The following PCDHA12 variants were observed in gnomAD, a reference collection of about 807,000 sequenced individuals.
PCDHA12 encodes the protein protocadherin alpha-12.
In PCDHA12, 44 loss-of-function variants were observed where a neutral mutation model predicts 60.0. The ratio of observed to expected loss-of-function variants is 0.73; its 90% CI spans 0.58 to 0.94. PCDHA12 has a LOEUF of 0.94. Ranked by LOEUF, PCDHA12 falls within the 40% of genes least tolerant of loss-of-function variation. The pLI is 0.00. For synonymous variants in PCDHA12, 569 were observed against 553.0 expected (o/e 1.03, Z -0.40); for missense variants, 1,276 against 1,239.7 (o/e 1.03, Z -0.44).
intron 1 of PCDHA12, among the ~76,000 whole-genome samples, chr5:140,909,668 CA>C (rs1554193872): frequency 6.6e-6 from 1 of 152,162 alleles, no homozygotes; most frequent in Non-Finnish European, 1.5e-5. Context: ...CTCACTCTAC[CA>C]GTCAGGGAGC....
intron 3 of PCDHA12, among the ~76,000 whole-genome samples, chr5:141,005,828 T>A (rs752447584): frequency 6.7e-6 from 1 of 149,690 alleles, no homozygotes; most frequent in African/African-American, 2.5e-5. Context: ...TGGCCTGTAG[T>A]CCCAGCCACT....
intron 1 of PCDHA12, among the ~76,000 whole-genome samples, chr5:140,895,943 TG>T (rs1176755658): frequency 6.6e-6 from 1 of 152,148 alleles, no homozygotes; most frequent in Non-Finnish European, 1.5e-5. Flanking sequence ...CCCGAGTAGC[TG>T]GGATTACAGG....
At chr5:140,982,683 T>C in intron 3 of PCDHA12, 120 bp downstream of exon 3, 2 of 1,424,800 alleles carry the variant, frequency 1.4e-6, no homozygotes, top group Non-Finnish European at 1.8e-6. Context: ...TATTCCCTTT[T>C]TTCCATACAT....
intron 1 of PCDHA12, among the ~76,000 whole-genome samples, chr5:140,941,214 C>CCTTTCTTTCTTCCTTTCTTTCTTTCTTT (rs2092876516): frequency 4.1e-5 from 5 of 122,412 alleles, no homozygotes; most frequent in Non-Finnish European, 8.5e-5. Flanking sequence ...TTTCTTTCTT[C>CCTTTCTTTCTTCCTTTCTTTCTTTCTTT]CTTTCTTTCT....
chr5:140,934,684 A>C (rs1026507859), intron 1 of PCDHA12, among the ~76,000 whole-genome samples: 9 of 152,178 alleles, frequency 5.9e-5, no homozygotes, highest in Non-Finnish European at 1.3e-4. Flanking sequence ...TATTCAAAAC[A>C]ATGAATTGAT....
At chr5:140,900,013 T>A (rs1351991303) in intron 1 of PCDHA12, among the ~76,000 whole-genome samples, 1 of 152,062 alleles carries the variant, frequency 6.6e-6, no homozygotes, top group Admixed American at 6.6e-5. Flanking sequence ...TCTCACTTTG[T>A]TACCCAGTTT....
chr5:140,966,922 G>A (rs782206344), intron 1 of PCDHA12: 5 of 1,603,072 alleles, frequency 3.1e-6, no homozygotes, highest in Non-Finnish European at 4.2e-6. Context: ...CAGAGGAGCA[G>A]GCACCCGGCG....
In PCDHA12 at chr5:140,913,731, A is replaced by G. The variant is rs557158674; in HGVS notation, c.2367+35892A>G. ...CAATTACAGCTACAAATTTCCCTCT[A>G]ATAGTACTCCTTTTGTTGTATCTCA... On this transcript the variant is annotated intron_variant, in intron 1 of 3. Transcript: ENST00000398631. Among the ~76,000 whole-genome samples the G allele has an allele frequency of 1.8e-4, 27 of 152,194 alleles. No homozygotes were observed. The South Asian group carries it at 2.5e-3, about 14-fold the overall frequency.
chr5:140,929,302 G>T, intron 1 of PCDHA12: 1 of 1,587,714 alleles, frequency 6.3e-7, no homozygotes, highest in Admixed American at 1.7e-5. Flanking sequence ...TAGGAAAGGG[G>T]ATCACGCTAA....
chr5:140,927,734 G>A, intron 1 of PCDHA12: 1 of 1,614,196 alleles, frequency 6.2e-7, no homozygotes, highest in Non-Finnish European at 8.5e-7. Context: ...GCAGAGCTGC[G>A]ACACCGCTTT....
intron 3 of PCDHA12, among the ~76,000 whole-genome samples, chr5:141,007,109 GA>G (rs1473367544): frequency 6.6e-6 from 1 of 152,138 alleles, no homozygotes; most frequent in Non-Finnish European, 1.5e-5. Flanking sequence ...CAAACCCAAG[GA>G]AGCTTCAACA....
intron 1 of PCDHA12, chr5:140,882,163 GC>G: frequency 6.6e-7 from 1 of 1,509,690 alleles, no homozygotes; most frequent in Non-Finnish European, 8.9e-7. Flanking sequence ...AATACCTCTT[GC>G]GAATCCTTCC....
At chr5:140,925,383 T>C (rs1554202722) in intron 1 of PCDHA12, among the ~76,000 whole-genome samples, 2 of 152,140 alleles carry the variant, frequency 1.3e-5, no homozygotes, top group African/African-American at 2.4e-5. Flanking sequence ...TCAATGAGTC[T>C]CCTTTTGGCT....
intron 3 of PCDHA12, among the ~76,000 whole-genome samples, chr5:140,985,544 G>T (rs1426303468): frequency 6.6e-6 from 1 of 152,108 alleles, no homozygotes; most frequent in Non-Finnish European, 1.5e-5. Flanking sequence ...TGAAGATGCA[G>T]TTGCTTCCAA....
chr5:140,889,679 C>A (rs968181758), intron 1 of PCDHA12, among the ~76,000 whole-genome samples: 4 of 152,026 alleles, frequency 2.6e-5, no homozygotes, highest in Admixed American at 6.6e-5. Flanking sequence ...TTATTTTAAA[C>A]CTTTTAGTAT....
At position 141,011,939 on chromosome 5, in the gene PCDHA12, A is replaced by T. The variant is rs955936849; in HGVS notation, c.*2002A>T. 5 of 153,690 alleles carry T rather than the reference A, an allele frequency of 3.3e-5. No individual in the cohort carries two copies. The highest frequency in any genetic ancestry group is 1.2e-4 in the African/African-American group (5 of 41,448). The allele number at this position is 153,690 out of a possible 1,614,324, so 9.5% of individuals were successfully genotyped here. A position where few individuals can be genotyped will look rare whatever the true frequency, so the allele number is the denominator to read the frequency against. On this transcript the variant is annotated 3_prime_UTR_variant, in exon 4 of 4. Coordinates refer to ENST00000398631, the MANE Select transcript of PCDHA12 (RefSeq NM_018903.4). ...TAAAAGAGGTAGGAGTCTGTTATTT[A>T]AAAAAAGCATTAAATTTAAAAAAAA...
intron 1 of PCDHA12, among the ~76,000 whole-genome samples, chr5:140,885,242 A>G (rs1481024816): frequency 6.6e-6 from 1 of 152,038 alleles, no homozygotes; most frequent in Non-Finnish European, 1.5e-5. Context: ...TCAATTTTTT[A>G]TTTGCATTCA....
rs79336587 is a variant in PCDHA12 at position 140,997,550 on chromosome 5, C to T, written c.2516-12077C>T. Reference sequence around the variant, plus strand: ...ATAAAAATACATTATTATAATCTTACAGGACAACTGTCATATGTGTGGTCC... The same window carrying T: ...ATAAAAATACATTATTATAATCTTATAGGACAACTGTCATATGTGTGGTCC... On this transcript the variant is annotated intron_variant, in intron 3 of 3. Coordinates refer to ENST00000398631, the MANE Select transcript of PCDHA12 (RefSeq NM_018903.4). Among the ~76,000 whole-genome samples, 1,283 of 152,208 alleles carry T rather than the reference C, an allele frequency of 8.4e-3. 21 individuals carry two copies. The highest frequency in any genetic ancestry group is 0.029 in the African/African-American group (1,211 of 41,522).
At chr5:140,885,107 T>G (rs2060471687) in intron 1 of PCDHA12, among the ~76,000 whole-genome samples, 1 of 152,238 alleles carries the variant, frequency 6.6e-6, no homozygotes, top group African/African-American at 2.4e-5. Context: ...TAAATGCTTT[T>G]TTTAAGTGCA....
Sources: gnomAD v4.1 joint callset for allele counts (sites outside exome capture counted in the v4.1 genomes callset) on GRCh38, gnomAD v4.1.1 for gene constraint, MANE v1.5 for transcripts, NCBI Gene and HGNC (gene_info 2026-07-23, HGNC 2026-07-21) for gene names.